The following DOCK3 variants were observed in gnomAD, a reference collection of about 807,000 sequenced individuals.
DOCK3 encodes dedicator of cytokinesis protein 3.
In DOCK3, 60 loss-of-function variants were observed where a neutral mutation model predicts 265.6. That is an observed-to-expected ratio of 0.23 (90% CI 0.18 to 0.28). DOCK3 has a LOEUF of 0.28. Ranked by LOEUF, DOCK3 falls within the 10% of genes least tolerant of loss-of-function variation. The probability of loss-of-function intolerance (pLI) is 1.00; values close to 1 mark genes in which losing one functional copy is unlikely to be tolerated. For missense variants in DOCK3, 1,981 were observed against 2,594.3 expected (o/e 0.76, Z 5.14); for synonymous variants, 881 against 938.0 (o/e 0.94, Z 1.11).
chr3:51,287,494 T>C (rs9832672), intron 27 of DOCK3, among the ~76,000 whole-genome samples: 127,911 of 152,198 alleles, frequency 0.84, 54,396 homozygotes, highest in Middle Eastern at 0.9. Context: ...AAGGCTGCAG[T>C]GAGCTGATTG....
chr3:51,034,257 T>C (rs1214854102), intron 5 of DOCK3, among the ~76,000 whole-genome samples: 1 of 152,162 alleles, frequency 6.6e-6, no homozygotes, highest in Admixed American at 6.6e-5. Flanking sequence ...AATGCAATCA[T>C]TGATATTCTT....
intron 27 of DOCK3, among the ~76,000 whole-genome samples, chr3:51,309,319 C>T (rs1347592165): frequency 6.6e-6 from 1 of 152,220 alleles, no homozygotes; most frequent in African/African-American, 2.4e-5. Context: ...AACGAGACTC[C>T]GTCTGCAATC....
intron 1 of DOCK3, among the ~76,000 whole-genome samples, chr3:50,737,452 A>G (rs753509293): frequency 3.9e-5 from 6 of 152,172 alleles, no homozygotes; most frequent in South Asian, 2.1e-4. Flanking sequence ...TCATGATTCA[A>G]TCACCTCCCA....
chr3:50,766,327 G>C (rs923857981), intron 1 of DOCK3, among the ~76,000 whole-genome samples: 1 of 130,698 alleles, frequency 7.7e-6, no homozygotes, highest in Non-Finnish European at 1.5e-5. Context: ...CTATGTCCAA[G>C]TGTTCTCATT....
intron 12 of DOCK3, among the ~76,000 whole-genome samples, chr3:51,183,908 A>G (rs567892192): frequency 7.9e-5 from 12 of 152,320 alleles, no homozygotes; most frequent in African/African-American, 2.9e-4. Flanking sequence ...TAGTATACAT[A>G]CAAATATTTC....
intron 2 of DOCK3, among the ~76,000 whole-genome samples, chr3:50,802,313 G>C (rs899343558): frequency 6.6e-6 from 1 of 151,912 alleles, no homozygotes; most frequent in Non-Finnish European, 1.5e-5. Flanking sequence ...CATTGATAAG[G>C]TTTTATTTGT....
rs1250892012 is a variant in DOCK3 at position 51,382,967 on chromosome 3, ATT to A, written c.*1415_*1416del. On this transcript the variant is annotated 3_prime_UTR_variant, in exon 53 of 53. Coordinates refer to ENST00000266037, the MANE Select transcript of DOCK3 (RefSeq NM_004947.5). ...TTACTTTAAAAAAAGCCTACAAAAT[ATT>A]TTTTTTCTTTTATTTGCTCGAGTTC... 1 of 151,878 alleles carries A rather than the reference ATT, an allele frequency of 6.6e-6. No individual in the cohort carries two copies. Among genetic ancestry groups the A allele is most frequent in the Admixed American group, 6.6e-5 (1 of 15,262 alleles). The allele number at this position is 151,878 out of a possible 1,614,324, so 9.4% of individuals were successfully genotyped here. A position where few individuals can be genotyped will look rare whatever the true frequency, so the allele number is the denominator to read the frequency against.
chr3:51,030,495 C>A (rs1278635048), intron 5 of DOCK3, among the ~76,000 whole-genome samples: 5 of 152,084 alleles, frequency 3.3e-5, no homozygotes, highest in Admixed American at 6.6e-5. Context: ...GATTAGTATC[C>A]ATTTTTAGGA....
At chr3:51,224,591 G>C (rs1031922880) in intron 14 of DOCK3, among the ~76,000 whole-genome samples, 4 of 152,114 alleles carry the variant, frequency 2.6e-5, no homozygotes, top group Non-Finnish European at 5.9e-5. Flanking sequence ...AAAATTACCT[G>C]GTTTCTGAAT....
chr3:50,818,469 C>A (rs925342885), intron 2 of DOCK3, among the ~76,000 whole-genome samples: 1 of 152,240 alleles, frequency 6.6e-6, no homozygotes, highest in African/African-American at 2.4e-5. Flanking sequence ...TGCCTGATGC[C>A]TACCACGTGT....
At chr3:50,756,395 C>T (rs955844306) in intron 1 of DOCK3, among the ~76,000 whole-genome samples, 8 of 151,938 alleles carry the variant, frequency 5.3e-5, no homozygotes, top group African/African-American at 7.3e-5. Flanking sequence ...GAGCGGGGAG[C>T]GGGGGCATGT....
chr3:51,225,593 A>G, intron 14 of DOCK3, 56 bp from the exon 15 acceptor site: 15 of 1,565,026 alleles, frequency 9.6e-6, no homozygotes, highest in Non-Finnish European at 1.3e-5. Context: ...TTCTCTGTGA[A>G]AATGGGGCAG....
intron 5 of DOCK3, among the ~76,000 whole-genome samples, chr3:50,968,327 T>G (rs1287608349): frequency 2.0e-5 from 3 of 152,042 alleles, no homozygotes; most frequent in Non-Finnish European, 2.9e-5. Context: ...TCACCATGCC[T>G]ACCTCTGTTT....
At chr3:51,079,961 G>C (rs1040636752) in intron 7 of DOCK3, among the ~76,000 whole-genome samples, 1 of 152,080 alleles carries the variant, frequency 6.6e-6, no homozygotes, top group Non-Finnish European at 1.5e-5. Flanking sequence ...GTGTTTGCCT[G>C]TTGTCTTCTT....
At chr3:50,849,813 G>A (rs751791101) in intron 3 of DOCK3, among the ~76,000 whole-genome samples, 2 of 152,102 alleles carry the variant, frequency 1.3e-5, no homozygotes, top group Admixed American at 6.6e-5. Flanking sequence ...GCTAGGCAAG[G>A]TGACTCATGC....
intron 1 of DOCK3, among the ~76,000 whole-genome samples, chr3:50,764,728 A>G (rs1006053441): frequency 4.6e-5 from 7 of 152,168 alleles, no homozygotes; most frequent in Non-Finnish European, 1.0e-4. Context: ...CAGGAGGATC[A>G]CTTGAGCCAA....
At chr3:51,314,501 C>T (rs547502828) in intron 31 of DOCK3, among the ~76,000 whole-genome samples, 10 of 152,318 alleles carry the variant, frequency 6.6e-5, no homozygotes, top group East Asian at 5.8e-4. Flanking sequence ...ACTTATTAGA[C>T]GTCTGGTGGC....
chr3:51,009,624 C>G (rs1402750086), intron 5 of DOCK3, among the ~76,000 whole-genome samples: 1 of 152,106 alleles, frequency 6.6e-6, no homozygotes, highest in East Asian at 1.9e-4. Flanking sequence ...TCCTTCAGTT[C>G]TGCTCTGATC....
At chr3:51,178,903 G>C (rs1298723564) in intron 12 of DOCK3, among the ~76,000 whole-genome samples, 1 of 152,210 alleles carries the variant, frequency 6.6e-6, no homozygotes, top group Non-Finnish European at 1.5e-5. Flanking sequence ...CTCACCATGG[G>C]CTGTTATTTT....
Sources: allele counts gnomAD v4.1 joint callset (sites outside exome capture counted in the v4.1 genomes callset), GRCh38; gene constraint gnomAD v4.1.1; transcripts MANE v1.5; gene names NCBI Gene and HGNC (gene_info 2026-07-23, HGNC 2026-07-21).